POLN: variants seen among roughly 807,000 people sequenced by gnomAD.
The protein encoded by POLN is DNA polymerase nu.
In POLN, 108 loss-of-function variants were observed where a neutral mutation model predicts 113.5. The observed-to-expected ratio is 0.95, with a 90% CI of 0.81 to 1.12. POLN has a LOEUF of 1.12. Ranked by LOEUF, POLN falls within the 50% of genes most tolerant of loss-of-function variation. The probability of loss-of-function intolerance (pLI) is 0.00; values close to 1 mark genes in which losing one functional copy is unlikely to be tolerated. For missense variants in POLN, 1,097 were observed against 1,077.1 expected (o/e 1.02, Z -0.26); for synonymous variants, 386 against 391.5 (o/e 0.99, Z 0.17).
intron 24 of POLN, among the ~76,000 whole-genome samples, chr4:2,074,517 T>TGTTTTC (rs1363148800): frequency 1.3e-5 from 2 of 152,104 alleles, no homozygotes; most frequent in African/African-American, 4.8e-5. Context: ...AATGGTCACG[T>TGTTTTC]AAGGTGGGTG....
chr4:2,192,827 AT>A, intron 7 of POLN, among the ~76,000 whole-genome samples: 1 of 150,382 alleles, frequency 6.6e-6, no homozygotes, highest in African/African-American at 2.4e-5. Flanking sequence ...ATATATATAT[AT>A]TTAAAATCTT....
At chr4:2,155,214 A>G (rs1013238017) in intron 16 of POLN, among the ~76,000 whole-genome samples, 23 of 152,246 alleles carry the variant, frequency 1.5e-4, no homozygotes, top group African/African-American at 5.5e-4. Context: ...CCCAAGGGTA[A>G]CGTGGCAGCA....
In POLN at chr4:2,167,779, G is replaced by A. The variant is rs543390767; in HGVS notation, c.1554+2900C>T. 2.6e-5 allele frequency among the ~76,000 whole-genome samples: 4 copies of A among 152,162 alleles called. No homozygotes were observed. The South Asian group carries it at 8.3e-4, about 32-fold the overall frequency. ...CTGGGTGTGGTGGCAGGTGCATATA[G>A]TCCCAGCTACTCAGGAGGCTGAGGC... On this transcript the variant is annotated intron_variant, in intron 13 of 25. Coordinates refer to ENST00000511885, the MANE Select transcript of POLN (RefSeq NM_181808.4).
At chr4:2,184,995 A>G (rs987429683) in intron 7 of POLN, among the ~76,000 whole-genome samples, 3 of 152,228 alleles carry the variant, frequency 2.0e-5, no homozygotes, top group African/African-American at 2.4e-5. Flanking sequence ...TGGCTTTTCT[A>G]TATGAAGTGT....
At chr4:2,169,154 G>C (rs934457299) in intron 13 of POLN, among the ~76,000 whole-genome samples, 2 of 152,210 alleles carry the variant, frequency 1.3e-5, no homozygotes, top group African/African-American at 4.8e-5. Context: ...GGAGTGGGGG[G>C]AGAGAGGAGG....
intron 3 of POLN, among the ~76,000 whole-genome samples, chr4:2,222,709 T>A (rs942994269): frequency 6.7e-5 from 10 of 148,794 alleles, no homozygotes; most frequent in Non-Finnish European, 1.5e-4. Context: ...TTTTTTTTTT[T>A]TTTATTTTTC....
At chr4:2,218,673 C>A (rs774155377) in intron 3 of POLN, among the ~76,000 whole-genome samples, 23 of 152,128 alleles carry the variant, frequency 1.5e-4, no homozygotes, top group Non-Finnish European at 3.2e-4. Context: ...AGCACTGGGG[C>A]AAGGTGCAAA....
chr4:2,072,108 C>T lies in POLN; in HGVS notation c.*6G>A. 1.2e-6 allele frequency: 2 copies of T among 1,612,390 alleles called. No homozygotes were observed. Among genetic ancestry groups the T allele is most frequent in the African/African-American group, 1.3e-5 (1 of 74,970 alleles). On this transcript the variant is annotated 3_prime_UTR_variant, in exon 26 of 26. Transcript: ENST00000511885. Reference sequence around the variant, plus strand: ...ACCAGTTCTCTCCTCCCACTGTTGCCTGGGGCTACAGACAAAATGAAGGCG... The same window carrying T: ...ACCAGTTCTCTCCTCCCACTGTTGCTTGGGGCTACAGACAAAATGAAGGCG...
At chr4:2,110,534 G>A (rs1459934630) in intron 19 of POLN, among the ~76,000 whole-genome samples, 1 of 151,910 alleles carries the variant, frequency 6.6e-6, no homozygotes, top group Non-Finnish European at 1.5e-5. Context: ...TCAAATAGAC[G>A]CAATAAAAAA....
chr4:2,149,218 TG>T (rs1016729771), intron 16 of POLN, among the ~76,000 whole-genome samples: 1 of 151,968 alleles, frequency 6.6e-6, no homozygotes, highest in African/African-American at 2.4e-5. Flanking sequence ...TGCTTGCGCC[TG>T]GGAGGCAGAA....
intron 7 of POLN, among the ~76,000 whole-genome samples, chr4:2,189,526 C>A (rs1733381921): frequency 6.6e-6 from 1 of 151,310 alleles, no homozygotes; most frequent in Non-Finnish European, 1.5e-5. Flanking sequence ...GTAGTCCCAG[C>A]TACTTGGGAG....
intron 13 of POLN, among the ~76,000 whole-genome samples, chr4:2,163,114 T>C (rs1218088586): frequency 6.6e-6 from 1 of 151,382 alleles, no homozygotes; most frequent in Non-Finnish European, 1.5e-5. Context: ...GGAGAACTGA[T>C]TATATGATTT....
intron 16 of POLN, among the ~76,000 whole-genome samples, chr4:2,133,206 T>C (rs1243423068): frequency 6.7e-6 from 1 of 149,964 alleles, no homozygotes; most frequent in Non-Finnish European, 1.5e-5. Context: ...AACTCTGATA[T>C]ACTGTTGGTG....
rs958269518 is a variant in POLN at position 2,093,135 on chromosome 4, C to T, written c.2065+2716G>A. Among the ~76,000 whole-genome samples, 3 of 152,000 alleles carry T rather than the reference C, an allele frequency of 2.0e-5. No individual in the cohort carries two copies. The highest frequency in any genetic ancestry group is 4.4e-5 in the Non-Finnish European group (3 of 68,010). ...AGTGAATACTCCAGAAGGAGCCAAA[C>T]GGGTGGCAGAGAAGACCACCTTTTT... On this transcript the variant is annotated intron_variant, in intron 20 of 25. Transcript: ENST00000511885. The surrounding 1 kb of genome is among the most constrained non-coding windows in gnomAD (Gnocchi z 4.1).
chr4:2,159,054 G>T (rs1445203134), intron 14 of POLN, 101 bp downstream of exon 14: 2 of 883,816 alleles, frequency 2.3e-6, no homozygotes, highest in Non-Finnish European at 3.8e-6. Context: ...AGAACACTGG[G>T]AGGGCTACTT....
intron 2 of POLN, among the ~76,000 whole-genome samples, chr4:2,233,884 A>T (rs1309391999): frequency 6.6e-6 from 1 of 151,826 alleles, no homozygotes; most frequent in Admixed American, 6.6e-5. Context: ...AGCATTATAA[A>T]CTCCTTTAAA....
chr4:2,128,943 T>A (rs1340864909), intron 18 of POLN, among the ~76,000 whole-genome samples: 1 of 150,882 alleles, frequency 6.6e-6, no homozygotes, highest in Non-Finnish European at 1.5e-5. Context: ...TAACCCCAGT[T>A]ACTTGGGAGG....
At chr4:2,241,436 A>T in intron 2 of POLN, 84 bp downstream of exon 2, 1 of 911,382 alleles carries the variant, frequency 1.1e-6, no homozygotes, top group East Asian at 1.2e-4. Flanking sequence ...CCAGGAGGCT[A>T]GGCAGCCTCT....
chr4:2,103,013 G>C (rs926353223), intron 19 of POLN, among the ~76,000 whole-genome samples: 2 of 152,112 alleles, frequency 1.3e-5, no homozygotes, highest in Admixed American at 1.3e-4. Context: ...ACATGAAAAA[G>C]CAAGGTAGTA....
Sources: gnomAD v4.1 joint callset for allele counts (sites outside exome capture counted in the v4.1 genomes callset) on GRCh38, gnomAD v4.1.1 for gene constraint, Gnocchi (gnomAD v3.1) non-coding constraint, MANE v1.5 for transcripts, NCBI Gene and HGNC (gene_info 2026-07-23, HGNC 2026-07-21) for gene names.